Variants in LPCAT2 observed in about 807,000 individuals in gnomAD.
LPCAT2 encodes the protein 1-AGP acyltransferase 11.
In LPCAT2, 58 loss-of-function variants were observed where a neutral mutation model predicts 64.7. The observed-to-expected ratio is 0.90, with a 90% CI of 0.73 to 1.12. The LOEUF is 1.12. LPCAT2 is among the 50% of genes most tolerant of loss of function. LPCAT2 has a pLI of 0.00. For synonymous variants in LPCAT2, 252 were observed against 245.3 expected (o/e 1.03, Z -0.26); for missense variants, 579 against 669.8 (o/e 0.86, Z 1.50).
intron 13 of LPCAT2, 109 bp downstream of exon 13, chr16:55,579,353 A>G (rs1963864908): frequency 9.8e-7 from 1 of 1,018,886 alleles, no homozygotes; most frequent in Non-Finnish European, 1.4e-6. Flanking sequence ...AATAATAGAC[A>G]TAATAGTAAT....
At chr16:55,543,239 C>A (rs1415369944) in intron 8 of LPCAT2, among the ~76,000 whole-genome samples, 1 of 152,112 alleles carries the variant, frequency 6.6e-6, no homozygotes, top group African/African-American at 2.4e-5. Flanking sequence ...CTCAGTGGAA[C>A]TTTATTCCTT....
At chr16:55,553,560 A>T (rs1434554309) in intron 11 of LPCAT2, among the ~76,000 whole-genome samples, 3 of 152,152 alleles carry the variant, frequency 2.0e-5, no homozygotes, top group African/African-American at 7.2e-5. Flanking sequence ...CTATTTCCAC[A>T]TCTGCATTTA....
At position 55,537,647 on chromosome 16, in the gene LPCAT2, A is replaced by C; in HGVS notation, c.852+15A>C. On this transcript the variant is annotated intron_variant, in intron 8 of 13. Transcript: ENST00000262134. ...TAGAAGTTGAGGTAAGTCATTCAAA[A>C]TGTGGCCTTGGAACTTGAGATTTGG... The C allele has an allele frequency of 1.2e-6, 2 of 1,612,500 alleles. No homozygotes were observed. Among genetic ancestry groups the C allele is most frequent in the Admixed American group, 3.3e-5 (2 of 59,890 alleles).
At chr16:55,536,484 T>C (rs1261950441) in intron 7 of LPCAT2, among the ~76,000 whole-genome samples, 1 of 152,160 alleles carries the variant, frequency 6.6e-6, no homozygotes, top group Non-Finnish European at 1.5e-5. Context: ...TTATAGATAG[T>C]AAAAGATTTT....
chr16:55,568,156 A>AG (rs1963728722), intron 11 of LPCAT2, among the ~76,000 whole-genome samples: 1 of 16,216 alleles, frequency 6.2e-5, no homozygotes, highest in South Asian at 1.9e-3. Flanking sequence ...AGTAAAAAAA[A>AG]GCACTAGCAA....
intron 2 of LPCAT2, chr16:55,526,136 A>G (rs1409814155): frequency 2.0e-5 from 3 of 152,212 alleles, no homozygotes; most frequent in East Asian, 3.8e-4. Context: ...TATTAAAACA[A>G]TTATTAATAA....
chr16:55,559,902 T>A (rs2142406708), intron 11 of LPCAT2, among the ~76,000 whole-genome samples: 1 of 152,250 alleles, frequency 6.6e-6, no homozygotes, highest in South Asian at 2.1e-4. Flanking sequence ...TTCACTTAGC[T>A]CCTCCATTTA....
At chr16:55,519,162 TTCAGATAAGAA>T (rs1217696822) in intron 1 of LPCAT2, among the ~76,000 whole-genome samples, 2 of 151,920 alleles carry the variant, frequency 1.3e-5, no homozygotes, top group African/African-American at 4.8e-5. Context: ...TGAAGACATT[TTCAGATAAGAA>T]TGGAGGGAAT....
chr16:55,556,748 A>G (rs76797911), intron 11 of LPCAT2, among the ~76,000 whole-genome samples: 1 of 150,038 alleles, frequency 6.7e-6, no homozygotes, highest in African/African-American at 2.4e-5. Context: ...ACTCCGTCTC[A>G]AAAAAAAAAG....
At chr16:55,526,860 C>A (rs1244063369) in intron 2 of LPCAT2, among the ~76,000 whole-genome samples, 1 of 152,126 alleles carries the variant, frequency 6.6e-6, no homozygotes, top group Non-Finnish European at 1.5e-5. Context: ...TCTCTTTCTC[C>A]TCTCAAACAG....
chr16:55,560,218 G>T (rs1963620909), intron 11 of LPCAT2, among the ~76,000 whole-genome samples: 2 of 152,068 alleles, frequency 1.3e-5, no homozygotes, highest in Admixed American at 1.3e-4. Flanking sequence ...AAACCAAATA[G>T]ATTTCATCTG....
chr16:55,543,451 A>T (rs1446313459), intron 8 of LPCAT2, among the ~76,000 whole-genome samples: 3 of 152,158 alleles, frequency 2.0e-5, no homozygotes, highest in Non-Finnish European at 4.4e-5. Flanking sequence ...TGACTTTTTT[A>T]AAAAATGAAG....
intron 1 of LPCAT2, among the ~76,000 whole-genome samples, chr16:55,517,652 C>T (rs1446756120): frequency 6.6e-6 from 1 of 152,060 alleles, no homozygotes; most frequent in Non-Finnish European, 1.5e-5. Context: ...ATGGCAAAGT[C>T]ATATTTAGCC....
chr16:55,533,573 C>T (rs537125836), intron 6 of LPCAT2, among the ~76,000 whole-genome samples: 7 of 151,764 alleles, frequency 4.6e-5, no homozygotes, highest in African/African-American at 7.3e-5. Flanking sequence ...CCACCATGCC[C>T]GGCTAATTTT....
At chr16:55,513,335 T>G (rs2142386728) in intron 1 of LPCAT2, among the ~76,000 whole-genome samples, 1 of 152,108 alleles carries the variant, frequency 6.6e-6, no homozygotes, top group African/African-American at 2.4e-5. Context: ...AAATGAAAAA[T>G]TCACTGGATG....
intron 9 of LPCAT2, 56 bp from the exon 10 acceptor site, chr16:55,549,221 T>G: frequency 1.4e-6 from 2 of 1,405,808 alleles, no homozygotes; most frequent in South Asian, 1.4e-5. Context: ...TAGTGAAATA[T>G]GATTACTTTT....
chr16:55,546,098 TC>T (rs1963450801), intron 9 of LPCAT2, among the ~76,000 whole-genome samples: 1 of 151,896 alleles, frequency 6.6e-6, no homozygotes, highest in Non-Finnish European at 1.5e-5. Context: ...GGGTGGATTC[TC>T]CTAAGCTGGC....
At chr16:55,525,802 T>G (rs1173321962) in intron 2 of LPCAT2, 155 bp downstream of exon 2, 1 of 420,864 alleles carries the variant, frequency 2.4e-6, no homozygotes, top group Non-Finnish European at 4.0e-6. Flanking sequence ...TTTTACAGTT[T>G]TATCTGCCTA....
chr16:55,583,139 T>C lies in LPCAT2; in HGVS notation c.*41T>C. ...TAAGGAAAACACAGTAGCTTTTGCT[T>C]GAAATTGTAAAGGCACTTATTGATA... is the stretch of plus-strand genomic sequence containing the variant. On this transcript the variant is annotated 3_prime_UTR_variant, in exon 14 of 14. Transcript: ENST00000262134. 2 of 1,494,210 alleles carry C rather than the reference T, an allele frequency of 1.3e-6. No individual in the cohort carries two copies. The highest frequency in any genetic ancestry group is 1.8e-6 in the Non-Finnish European group (2 of 1,098,124). The allele number at this position is 1,494,210 out of a possible 1,614,324, so 92.6% of individuals were successfully genotyped here. A position where few individuals can be genotyped will look rare whatever the true frequency, so the allele number is the denominator to read the frequency against.
Sources: gnomAD v4.1 joint callset for allele counts (sites outside exome capture counted in the v4.1 genomes callset) on GRCh38, gnomAD v4.1.1 for gene constraint, MANE v1.5 for transcripts, NCBI Gene and HGNC (gene_info 2026-07-23, HGNC 2026-07-21) for gene names.